The following DTL variants were observed in gnomAD, a reference collection of about 807,000 sequenced individuals.
DTL encodes denticleless E3 ubiquitin protein ligase adapter.
DTL carries 46 observed loss-of-function variants against 87.0 expected under a neutral mutation model. That is an observed-to-expected ratio of 0.53 (90% CI 0.42 to 0.68). The LOEUF (loss-of-function observed/expected upper bound fraction) is 0.68. Among genes scored for constraint, DTL ranks in the 30% least tolerant of loss-of-function variants. The probability of loss-of-function intolerance (pLI) is 0.00; values close to 1 mark genes in which losing one functional copy is unlikely to be tolerated. For missense variants in DTL, 737 were observed against 869.4 expected (o/e 0.85, Z 1.91); for synonymous variants, 308 against 311.2 (o/e 0.99, Z 0.11).
intron 13 of DTL, among the ~76,000 whole-genome samples, chr1:212,097,823 T>A (rs777157489): frequency 6.6e-6 from 1 of 152,138 alleles, no homozygotes; most frequent in Non-Finnish European, 1.5e-5. Flanking sequence ...CTGAATTGTT[T>A]TTCTGGTTCC....
Position 212,047,199 on chromosome 1 carries a change from G to A in DTL, c.326G>A (p.Gly109Asp), listed in dbSNP as rs780797655. 7 of 1,614,056 alleles carry A rather than the reference G, an allele frequency of 4.3e-6. No individual in the cohort carries two copies. The highest frequency in any genetic ancestry group is 5.9e-6 in the Non-Finnish European group (7 of 1,180,028). The change falls in exon 4 of 15, where the codon GGT becomes GAT. Residue 109 changes from glycine (G) to aspartate (D), a missense_variant. Coordinates refer to ENST00000366991, the MANE Select transcript of DTL (RefSeq NM_016448.4). ...NAVFDLAWVP[G>D]ELKLVTAAGD... ...GTCTTTGACCTGGCCTGGGTTCCTG[G>A]TGAACTTAAACTTGTAAGTGACTTT...
intron 13 of DTL, among the ~76,000 whole-genome samples, chr1:212,092,568 T>C (rs1655316640): frequency 6.6e-6 from 1 of 151,996 alleles, no homozygotes; most frequent in Admixed American, 6.6e-5. Context: ...TCCAACTCCA[T>C]CCTGGTTCCT....
At chr1:212,094,099 C>T (rs868159308) in intron 13 of DTL, among the ~76,000 whole-genome samples, 26 of 152,230 alleles carry the variant, frequency 1.7e-4, no homozygotes, top group Middle Eastern at 3.4e-3. Context: ...GAAGCTTTTT[C>T]GTTTAATTAA....
At chr1:212,080,110 C>CT (rs1439625035) in intron 12 of DTL, among the ~76,000 whole-genome samples, 3 of 152,214 alleles carry the variant, frequency 2.0e-5, no homozygotes, top group Non-Finnish European at 4.4e-5. Context: ...GAAAAAGAAT[C>CT]TCAAAAGGAA....
At chr1:212,058,844 A>G (rs1668254612) in intron 5 of DTL, among the ~76,000 whole-genome samples, 1 of 152,144 alleles carries the variant, frequency 6.6e-6, no homozygotes, top group Non-Finnish European at 1.5e-5. Context: ...ATCAGAAATG[A>G]AAAAGGAAAC....
In DTL at chr1:212,103,365, T is replaced by C. The variant is rs1045065463; in HGVS notation, c.*425T>C. ...TGTGAAGGCTGACTGAGAAATCCTC[T>C]GCTGAAGACCCCTGGTTCTGTTCTG... On this transcript the variant is annotated 3_prime_UTR_variant, in exon 15 of 15. Coordinates refer to ENST00000366991, the MANE Select transcript of DTL (RefSeq NM_016448.4). 3 of 152,870 alleles carry C rather than the reference T, an allele frequency of 2.0e-5. No homozygotes were observed. Among genetic ancestry groups the C allele is most frequent in the African/African-American group, 7.2e-5 (3 of 41,486 alleles). 9.5% of individuals were successfully genotyped at this position (152,870 alleles called of 1,614,324 possible).
chr1:212,037,980 C>T (rs1234183263), intron 1 of DTL, among the ~76,000 whole-genome samples: 2 of 152,176 alleles, frequency 1.3e-5, no homozygotes, highest in Admixed American at 6.5e-5. Context: ...CTTATTCCAG[C>T]TCAGGGCTGT....
At chr1:212,096,365 T>A (rs112287413) in intron 13 of DTL, among the ~76,000 whole-genome samples, 3,992 of 152,222 alleles carry the variant, frequency 0.026, 59 homozygotes, top group African/African-American at 0.046. Context: ...TGTTGTTTCA[T>A]TTTTATTAAG....
intron 5 of DTL, among the ~76,000 whole-genome samples, chr1:212,050,133 C>T (rs543872089): frequency 3.3e-5 from 5 of 152,108 alleles, no homozygotes; most frequent in Non-Finnish European, 5.9e-5. Flanking sequence ...ATTGTGCCAT[C>T]ATACTCTAGC....
intron 3 of DTL, 103 bp from the exon 4 acceptor site, chr1:212,047,048 G>T (rs1291487485): frequency 2.6e-5 from 26 of 990,548 alleles, no homozygotes; most frequent in African/African-American, 4.9e-5. Context: ...ATCAACTACT[G>T]ATCTTTTTAC....
intron 3 of DTL, 71 bp downstream of exon 3, chr1:212,044,829 T>A (rs1294934432): frequency 1.1e-6 from 1 of 898,748 alleles, no homozygotes; most frequent in Non-Finnish European, 1.8e-6. Context: ...TATTATTATT[T>A]GAACACATTC....
At chr1:212,061,139 T>C (rs1654289762) in intron 5 of DTL, among the ~76,000 whole-genome samples, 1 of 151,808 alleles carries the variant, frequency 6.6e-6, no homozygotes, top group Non-Finnish European at 1.5e-5. Context: ...GGTGGTGTAC[T>C]ACTGTAGTCC....
At chr1:212,077,374 C>T (rs1163156337) in intron 11 of DTL, among the ~76,000 whole-genome samples, 1 of 152,104 alleles carries the variant, frequency 6.6e-6, no homozygotes, top group African/African-American at 2.4e-5. Flanking sequence ...GTCACATGTA[C>T]AGGACAGTAC....
At position 212,047,221 on chromosome 1, in the gene DTL, C is replaced by CT; in HGVS notation, c.339+12dup. The CT allele has an allele frequency of 6.2e-7, 1 of 1,614,110 alleles. No individual in the cohort carries two copies. The highest frequency in any genetic ancestry group is 1.7e-5 in the Admixed American group (1 of 60,028). On this transcript the variant is annotated intron_variant, in intron 4 of 14. Transcript: ENST00000366991. Reference sequence around the variant, plus strand: ...CTGGTGAACTTAAACTTGTAAGTGACTTTATTTCATTAGGATCTGGGTAAA... The same window carrying CT: ...CTGGTGAACTTAAACTTGTAAGTGACTTTTATTTCATTAGGATCTGGGTAAA...
At chr1:212,085,022 T>C (rs1655088765) in intron 13 of DTL, among the ~76,000 whole-genome samples, 1 of 152,232 alleles carries the variant, frequency 6.6e-6, no homozygotes, top group South Asian at 2.1e-4. Flanking sequence ...ACAGTATAAA[T>C]GGTATATTAA....
At chr1:212,065,736 C>T (rs530452301) in intron 7 of DTL, among the ~76,000 whole-genome samples, 1 of 152,282 alleles carries the variant, frequency 6.6e-6, no homozygotes, top group African/African-American at 2.4e-5. Flanking sequence ...GACAGAGTCT[C>T]GCTCTGTCAC....
chr1:212,093,336 C>T (rs758641983), intron 13 of DTL, among the ~76,000 whole-genome samples: 25 of 152,272 alleles, frequency 1.6e-4, no homozygotes, highest in Non-Finnish European at 2.2e-4. Flanking sequence ...TGTCTATAGG[C>T]GGCTTGTGTT....
Position 212,035,952 on chromosome 1 carries a change from G to C in DTL, c.52+10G>C, listed in dbSNP as rs1380932231. The C allele has an allele frequency of 2.5e-6, 4 of 1,613,830 alleles. No homozygotes were observed. The South Asian group carries it at 3.3e-5, about 13-fold the overall frequency. ...GGCGTCCTGAGAAATGGTGAGTAAC[G>C]GTCCCAACCGCTGCTCGGAGCTGGC... is the stretch of plus-strand genomic sequence containing the variant. On this transcript the variant is annotated intron_variant, in intron 1 of 14. Transcript: ENST00000366991.
At chr1:212,082,180 A>G (rs1449844056) in intron 13 of DTL, among the ~76,000 whole-genome samples, 1 of 152,218 alleles carries the variant, frequency 6.6e-6, no homozygotes, top group East Asian at 1.9e-4. Flanking sequence ...TGTTTCTGGT[A>G]TACCAAATAA....
Sources: gnomAD v4.1 joint callset for allele counts (sites outside exome capture counted in the v4.1 genomes callset) on GRCh38, gnomAD v4.1.1 for gene constraint, MANE v1.5 for transcripts, NCBI Gene and HGNC (gene_info 2026-07-23, HGNC 2026-07-21) for gene names.